LPO: variants seen among roughly 807,000 people sequenced by gnomAD.
LPO encodes the protein lactoperoxidase.
In LPO, 70 loss-of-function variants were observed where a neutral mutation model predicts 68.4. The observed-to-expected ratio is 1.02, with a 90% confidence interval of 0.84 to 1.25. The LOEUF is 1.25. Ranked by LOEUF, LPO falls within the 50% of genes most tolerant of loss-of-function variation. The probability of loss-of-function intolerance (pLI) is 0.00; values close to 1 mark genes in which losing one functional copy is unlikely to be tolerated. For synonymous variants in LPO, 360 were observed against 357.6 expected, an observed-to-expected ratio of 1.01 and a Z score of -0.08; for missense variants, 873 against 908.4, an observed-to-expected ratio of 0.96 and a Z score of 0.50.
At chr17:58,254,152 TATAGATAGATAG>T (rs34548791) in intron 8 of LPO, among the ~76,000 whole-genome samples, 19 of 133,390 alleles carry the variant, frequency 1.4e-4, no homozygotes, top group Middle Eastern at 3.7e-3. Flanking sequence ...TATATAGATA[TATAGATAGATAG>T]ATAGATAGAT....
At chr17:58,245,164 C>T (rs1354131667) in intron 3 of LPO, among the ~76,000 whole-genome samples, 1 of 152,202 alleles carries the variant, frequency 6.6e-6, no homozygotes, top group East Asian at 1.9e-4. Context: ...AAGATAAAGC[C>T]AGACCTGCTC....
intron 1 of LPO, among the ~76,000 whole-genome samples, chr17:58,242,431 G>T (rs1969775420): frequency 6.6e-6 from 1 of 152,176 alleles, no homozygotes; most frequent in South Asian, 2.1e-4. Flanking sequence ...GGCGCTGAGT[G>T]TCTGCCTCTC....
chr17:58,249,594 A>G lies in LPO; in HGVS notation c.472A>G (p.Arg158Gly), dbSNP rs766019233. The change falls in exon 6 of 13, where the codon AGG (arginine) becomes GGG (glycine). Residue 158 changes from arginine (R) to glycine (G), a missense_variant. Physicochemically the swap from Arg to Gly is moderately radical, Grantham distance 125. Transcript: ENST00000262290. Reference protein sequence around the residue: ...RRKPALGAANRALARWLPAEY... With the variant: ...RRKPALGAANGALARWLPAEY... Reference sequence around the variant, plus strand: ...GAAGCCTGCGCTGGGCGCCGCCAACAGGGCTCTGGCGCGCTGGCTGCCCGC... The same window carrying G: ...GAAGCCTGCGCTGGGCGCCGCCAACGGGGCTCTGGCGCGCTGGCTGCCCGC... The G allele has an allele frequency of 7.5e-6, 12 of 1,603,782 alleles. No individual in the cohort carries two copies. Among genetic ancestry groups the G allele is most frequent in the Admixed American group, 3.3e-5 (2 of 59,862 alleles).
chr17:58,255,676 T>C (rs1263341709), intron 9 of LPO, among the ~76,000 whole-genome samples: 1 of 152,082 alleles, frequency 6.6e-6, no homozygotes, highest in Admixed American at 6.5e-5. Context: ...TGCAGATTAT[T>C]AGATTCTAAG....
At chr17:58,258,579 C>T (rs1239653395) in intron 9 of LPO, among the ~76,000 whole-genome samples, 1 of 152,098 alleles carries the variant, frequency 6.6e-6, no homozygotes, top group Admixed American at 6.6e-5. Flanking sequence ...TAATGTGATT[C>T]TTCTGGTTTT....
At position 58,252,339 on chromosome 17, in the gene LPO, A is replaced by G. The variant is rs1382872644; in HGVS notation, c.938A>G (p.Glu313Gly). Reference protein sequence around the residue: ...FLDASFVYSSEPSLASRLRNL... With the variant: ...FLDASFVYSSGPSLASRLRNL... ...GATGCCAGCTTTGTGTACAGCTCCG[A>G]GCCAAGCCTGGCCAGCCGCCTCCGC... Residue 313 changes from glutamate to glycine, a missense_variant, in exon 8 of 13, where the codon GAG becomes GGG. By Grantham distance (98) the Glu-to-Gly change is moderately conservative (BLOSUM62 -2). Coordinates refer to ENST00000262290, the MANE Select transcript of LPO (RefSeq NM_006151.3). The G allele has an allele frequency of 1.9e-6, 3 of 1,614,050 alleles. No homozygotes were observed. Among genetic ancestry groups the G allele is most frequent in the Non-Finnish European group, 2.5e-6 (3 of 1,180,038 alleles).
At chr17:58,251,298 GA>G (rs11337012) in intron 7 of LPO, 34,656 of 149,818 alleles carry the variant, frequency 0.23, 4,146 homozygotes, top group African/African-American at 0.31. Context: ...AAAAGAAAAA[GA>G]AAAAAAAAAT....
chr17:58,259,000 A>AT (rs2143931127), intron 9 of LPO, among the ~76,000 whole-genome samples: 1 of 149,102 alleles, frequency 6.7e-6, no homozygotes, highest in South Asian at 2.1e-4. Context: ...ATTTGCAGTG[A>AT]TTTTCTCCCA....
chr17:58,243,783 T>A (rs942954866), intron 2 of LPO: 14 of 590,556 alleles, frequency 2.4e-5, no homozygotes, highest in Non-Finnish European at 4.0e-5. Flanking sequence ...AAGAGCAATT[T>A]TGACATCTTG....
chr17:58,255,350 T>C (rs1970051029), intron 9 of LPO, among the ~76,000 whole-genome samples: 1 of 152,270 alleles, frequency 6.6e-6, no homozygotes, highest in Non-Finnish European at 1.5e-5. Context: ...TACGCCCATC[T>C]CATGGGCATA....
intron 3 of LPO, among the ~76,000 whole-genome samples, 167 bp from the exon 4 acceptor site, chr17:58,247,311 T>A (rs1041932814): frequency 6.6e-6 from 1 of 152,200 alleles, no homozygotes; most frequent in Non-Finnish European, 1.5e-5. Flanking sequence ...TTAATTTTAA[T>A]GAGTTTCAAT....
chr17:58,249,545 C>T (rs1356375002), intron 5 of LPO, 21 bp from the exon 6 acceptor site: 1 of 1,601,360 alleles, frequency 6.2e-7, no homozygotes, highest in Non-Finnish European at 8.5e-7. Context: ...CGAAGCTCAG[C>T]GAGGATCGTG....
intron 1 of LPO, among the ~76,000 whole-genome samples, chr17:58,239,978 GC>G (rs1969723928): frequency 6.6e-6 from 1 of 152,138 alleles, no homozygotes; most frequent in African/African-American, 2.4e-5. Context: ...GTATTGACAT[GC>G]TTAGGTCCTG....
chr17:58,249,391 C>A, intron 5 of LPO, 175 bp from the exon 6 acceptor site: 1 of 1,071,454 alleles, frequency 9.3e-7, no homozygotes, highest in Non-Finnish European at 1.3e-6. Context: ...TTCCCCGGGG[C>A]GGGGGAGCCC....
chr17:58,243,981 C>A lies in LPO; in HGVS notation c.77-13C>A. The A allele has an allele frequency of 1.2e-6, 2 of 1,607,450 alleles. No homozygotes were observed. Among genetic ancestry groups the A allele is most frequent in the Non-Finnish European group, 1.7e-6 (2 of 1,174,094 alleles). On this transcript the variant is annotated splice_polypyrimidine_tract_variant and intron_variant, in intron 2 of 12. Transcript: ENST00000262290. Reference sequence around the variant, plus strand: ...CTGACACCCTACTTCCTGCTCCCCACTCCAACCCCAAGCGCAGACTACCAG... The same window carrying A: ...CTGACACCCTACTTCCTGCTCCCCAATCCAACCCCAAGCGCAGACTACCAG...
At chr17:58,262,639 C>T (rs891989065) in intron 9 of LPO, among the ~76,000 whole-genome samples, 7 of 152,162 alleles carry the variant, frequency 4.6e-5, no homozygotes, top group Admixed American at 6.5e-5. Context: ...ATGATCCACC[C>T]GCCTCAGCCT....
chr17:58,248,386 G>A (rs1969891317), intron 4 of LPO, among the ~76,000 whole-genome samples: 1 of 152,168 alleles, frequency 6.6e-6, no homozygotes, highest in African/African-American at 2.4e-5. Context: ...CTGAAATCCT[G>A]CCACCTTTCA....
chr17:58,268,365 G>A lies in LPO; in HGVS notation c.*371G>A, dbSNP rs36045682. ...TGGGCCAGGACTTCAGCCTGCCTCCGAGGGTCCCCTGTGGCACCTAGCATG... is the reference window on the plus strand; with the variant it reads ...TGGGCCAGGACTTCAGCCTGCCTCCAAGGGTCCCCTGTGGCACCTAGCATG... On this transcript the variant is annotated 3_prime_UTR_variant, in exon 13 of 13. Coordinates refer to ENST00000262290, the MANE Select transcript of LPO (RefSeq NM_006151.3). 1.8e-3 allele frequency: 511 copies of A among 283,210 alleles called. 6 individuals are homozygous for A. Among genetic ancestry groups the A allele is most frequent in the African/African-American group, 0.011 (488 of 45,384 alleles). The allele number at this position is 283,210 out of a possible 1,614,324, so 17.5% of individuals were successfully genotyped here.
In LPO at chr17:58,264,922, A is replaced by T. The variant is rs181740760; in HGVS notation, c.1467A>T (p.Pro489=). ...DENYQPWGPE[P]ELPLHTLFFN... The stretch of plus-strand genomic sequence containing the variant: ...ATTATCAGCCATGGGGGCCAGAACC[A>T]GAACTCCCCCTCCACACCCTCTTCT... The change falls in exon 10 of 13, where the codon CCA becomes CCT. Residue 489 remains proline (P), a synonymous_variant. Coordinates refer to ENST00000262290, the MANE Select transcript of LPO (RefSeq NM_006151.3). 3 of 1,614,228 alleles carry T rather than the reference A, an allele frequency of 1.9e-6. No homozygotes were observed. The African/African-American group carries it at 4.0e-5, about 22-fold the overall frequency.
Sources: allele counts gnomAD v4.1 joint callset (sites outside exome capture counted in the v4.1 genomes callset), GRCh38; gene constraint gnomAD v4.1.1; transcripts MANE v1.5; gene names NCBI Gene and HGNC (gene_info 2026-07-23, HGNC 2026-07-21).